The following PID1 variants were observed in gnomAD, a reference collection of about 807,000 sequenced individuals.
The protein encoded by PID1 is phosphotyrosine interaction domain containing 1, also known as PTB-containing, cubilin and LRP1-interacting protein.
PID1 carries 10 observed loss-of-function variants against 19.1 expected under a neutral mutation model. The ratio of observed to expected loss-of-function variants is 0.52; its 90% CI spans 0.32 to 0.89. The LOEUF (loss-of-function observed/expected upper bound fraction) is 0.89, where lower values mean the gene tolerates loss of function less well. Ranked by LOEUF, PID1 falls within the 40% of genes least tolerant of loss-of-function variation. The pLI is 0.03. For missense variants in PID1, 248 were observed against 285.3 expected, an observed-to-expected ratio of 0.87 and a Z score of 0.94; for synonymous variants, 130 against 116.0, an observed-to-expected ratio of 1.12 and a Z score of -0.78.
intron 2 of PID1, among the ~76,000 whole-genome samples, chr2:229,046,585 A>AATT (rs1166548759): frequency 6.6e-6 from 1 of 152,002 alleles, no homozygotes; most frequent in Non-Finnish European, 1.5e-5. Flanking sequence ...GTAAAAAAAA[A>AATT]ATTATATAAT....
chr2:229,069,672 T>C (rs1694412531), intron 2 of PID1, among the ~76,000 whole-genome samples: 1 of 152,168 alleles, frequency 6.6e-6, no homozygotes, highest in African/African-American at 2.4e-5. Context: ...CAGAATTCAG[T>C]AAGACGCTGG....
Position 229,164,454 on chromosome 2 carries a change from A to G in PID1, c.31-8490T>C, listed in dbSNP as rs544742640. 5.3e-5 allele frequency among the ~76,000 whole-genome samples: 8 copies of G among 152,328 alleles called. No homozygotes were observed. In the South Asian group the frequency reaches 1.7e-3, roughly 32 times the overall value. On this transcript the variant is annotated intron_variant, in intron 1 of 2. Transcript: ENST00000392055. The stretch of plus-strand genomic sequence containing the variant: ...ACATGTCTGTCTGTCATTGCACTCA[A>G]TGAGGATGGGACATGAACAAGTACT...
intron 2 of PID1, among the ~76,000 whole-genome samples, chr2:229,068,741 T>C (rs1694385256): frequency 6.6e-6 from 1 of 152,152 alleles, no homozygotes; most frequent in Non-Finnish European, 1.5e-5. Context: ...CCCGCAAGGG[T>C]ATCCAATTTT....
rs559857073 is a variant in PID1 at position 229,141,643 on chromosome 2, G to C, written c.177+14175C>G. Among the ~76,000 whole-genome samples the C allele has an allele frequency of 1.2e-3, 72 of 58,270 alleles. No individual in the cohort carries two copies. The East Asian group carries it at 0.027, about 22-fold the overall frequency. 38.2% of individuals were successfully genotyped at this position (58,270 alleles called of 152,430 possible). ...AGAGAATGCATTCATCAATCAATGT[G>C]GGGGGGGAACTAATTTCAGTGGGAT... is the stretch of plus-strand genomic sequence containing the variant. On this transcript the variant is annotated intron_variant, in intron 2 of 2. Transcript: ENST00000392055.
chr2:229,128,511 A>C (rs1476832835), intron 2 of PID1, among the ~76,000 whole-genome samples: 1 of 152,226 alleles, frequency 6.6e-6, no homozygotes, highest in African/African-American at 2.4e-5. Context: ...TCAAAGCCAA[A>C]GGTTTTTTTA....
chr2:229,200,368 A>G (rs1270153777), intron 1 of PID1, among the ~76,000 whole-genome samples: 1 of 152,012 alleles, frequency 6.6e-6, no homozygotes, highest in Non-Finnish European at 1.5e-5. Context: ...TGCTTTGACC[A>G]AAAAGGCACT....
intron 1 of PID1, among the ~76,000 whole-genome samples, chr2:229,210,448 C>T (rs1194596684): frequency 4.7e-5 from 6 of 128,032 alleles, no homozygotes; most frequent in South Asian, 5.4e-4. Context: ...ACCGGGGAGG[C>T]GGAGCTTGCA....
chr2:229,141,496 T>C (rs918976709), intron 2 of PID1, among the ~76,000 whole-genome samples: 2 of 152,116 alleles, frequency 1.3e-5, no homozygotes, highest in Non-Finnish European at 1.5e-5. Flanking sequence ...AATAGACTAA[T>C]AGGAAAGTGT....
chr2:229,084,965 C>G (rs1694737080), intron 2 of PID1, among the ~76,000 whole-genome samples: 1 of 151,726 alleles, frequency 6.6e-6, no homozygotes. Context: ...ATCGAGTCAC[C>G]TCTTTTTAAA....
chr2:229,262,113 C>T (rs529780625), intron 1 of PID1, among the ~76,000 whole-genome samples: 1 of 152,304 alleles, frequency 6.6e-6, no homozygotes, highest in East Asian at 1.9e-4. Flanking sequence ...ATCACAGAGG[C>T]TGCTACCCAG....
At position 229,198,382 on chromosome 2, in the gene PID1, T is replaced by C. The variant is rs541745668; in HGVS notation, c.31-42418A>G. Reference sequence around the variant, plus strand: ...GGTCTCTGGTACAGAAGGAGCTCTGTCCTCTGCCCACACTCTCTCCTGATC... The same window carrying C: ...GGTCTCTGGTACAGAAGGAGCTCTGCCCTCTGCCCACACTCTCTCCTGATC... On this transcript the variant is annotated intron_variant, in intron 1 of 2. Transcript: ENST00000392055. 3.9e-5 allele frequency among the ~76,000 whole-genome samples: 6 copies of C among 152,164 alleles called. No individual in the cohort carries two copies. In the South Asian group the frequency reaches 1.2e-3, roughly 32 times the overall value.
intron 2 of PID1, among the ~76,000 whole-genome samples, chr2:229,106,119 C>T (rs1431869978): frequency 1.4e-5 from 2 of 141,266 alleles, no homozygotes; most frequent in African/African-American, 5.2e-5. Context: ...AAGAAATAAA[C>T]AGAGGCCAAT....
At chr2:229,043,947 C>G (rs1032318987) in intron 2 of PID1, among the ~76,000 whole-genome samples, 1 of 152,178 alleles carries the variant, frequency 6.6e-6, no homozygotes, top group African/African-American at 2.4e-5. Flanking sequence ...CTTTGAAGTC[C>G]TTTAAAAGAT....
intron 1 of PID1, among the ~76,000 whole-genome samples, chr2:229,185,642 T>C (rs2079995): frequency 0.89 from 135,354 of 151,990 alleles, 60,412 homozygotes; most frequent in African/African-American, 0.94. Context: ...GCAGGAAAAC[T>C]CCCCCTCATA....
intron 2 of PID1, among the ~76,000 whole-genome samples, chr2:229,109,874 A>G (rs1695261237): frequency 6.6e-6 from 1 of 152,214 alleles, no homozygotes; most frequent in African/African-American, 2.4e-5. Flanking sequence ...GCTATCCCAT[A>G]TAACAAACCA....
intron 1 of PID1, among the ~76,000 whole-genome samples, chr2:229,200,418 C>T (rs1691474297): frequency 6.6e-6 from 1 of 151,896 alleles, no homozygotes; most frequent in South Asian, 2.1e-4. Context: ...TAATACGGGC[C>T]CCATGCCATT....
At chr2:229,057,930 G>A (rs544915726) in intron 2 of PID1, among the ~76,000 whole-genome samples, 1 of 152,186 alleles carries the variant, frequency 6.6e-6, no homozygotes, top group Non-Finnish European at 1.5e-5. Context: ...ATGGGACAAT[G>A]ATATTGTGCT....
intron 1 of PID1, among the ~76,000 whole-genome samples, chr2:229,171,131 T>C (rs1690704775): frequency 6.6e-6 from 1 of 152,262 alleles, no homozygotes; most frequent in Admixed American, 6.5e-5. Flanking sequence ...GTACATGTTA[T>C]AAACACACAC....
At chr2:229,104,884 C>A (rs1194238634) in intron 2 of PID1, among the ~76,000 whole-genome samples, 1 of 152,216 alleles carries the variant, frequency 6.6e-6, no homozygotes, top group Non-Finnish European at 1.5e-5. Flanking sequence ...TAGCTATAAA[C>A]AACATAGGTT....
Sources: allele counts gnomAD v4.1 joint callset (sites outside exome capture counted in the v4.1 genomes callset), GRCh38; gene constraint gnomAD v4.1.1; transcripts MANE v1.5; gene names NCBI Gene and HGNC (gene_info 2026-07-23, HGNC 2026-07-21).